CDH13: variants seen among roughly 807,000 people sequenced by gnomAD.
CDH13 encodes the protein cadherin 13, also known as cadherin-13.
CDH13 carries 24 observed loss-of-function variants against 63.8 expected under a neutral mutation model. The ratio of observed to expected loss-of-function variants is 0.38; its 90% CI spans 0.27 to 0.53. The LOEUF (loss-of-function observed/expected upper bound fraction) is 0.53. Ranked by LOEUF, CDH13 falls within the 20% of genes least tolerant of loss-of-function variation. The pLI is 0.85. For synonymous variants in CDH13, 503 were observed against 355.3 expected, an observed-to-expected ratio of 1.42 and a Z score of -4.67; for missense variants, 1,049 against 903.1, an observed-to-expected ratio of 1.16 and a Z score of -2.07.
rs562944756 is a variant in CDH13 at position 83,431,453 on chromosome 16, G to T, written c.782-55024G>T. The stretch of plus-strand genomic sequence containing the variant: ...AGCAGAAGTCATTGTGCAAATCATG[G>T]AGGTCTTTGTAGGTCATTGTATCAG... On this transcript the variant is annotated intron_variant, in intron 6 of 13. Coordinates refer to ENST00000567109, the MANE Select transcript of CDH13 (RefSeq NM_001257.5). Among the ~76,000 whole-genome samples the T allele has an allele frequency of 4.6e-5, 7 of 152,092 alleles. 1 individual carries two copies. The highest frequency in any genetic ancestry group is 1.4e-4 in the African/African-American group (6 of 41,522).
intron 1 of CDH13, among the ~76,000 whole-genome samples, chr16:82,774,493 A>G (rs79937012): frequency 0.076 from 11,504 of 152,260 alleles, 550 homozygotes; most frequent in East Asian, 0.23. Context: ...AGGGTCTACC[A>G]CTGTGTATTC....
intron 2 of CDH13, among the ~76,000 whole-genome samples, chr16:82,987,106 G>A (rs954247131): frequency 2.0e-5 from 3 of 152,144 alleles, no homozygotes; most frequent in African/African-American, 7.2e-5. Flanking sequence ...GAATCAGTGA[G>A]GAGCGGCTGT....
intron 4 of CDH13, 26 bp downstream of exon 4, chr16:83,125,527 A>G (rs780484532): frequency 2.4e-6 from 3 of 1,240,516 alleles, no homozygotes; most frequent in Non-Finnish European, 3.6e-6. Flanking sequence ...AGCAAATGAC[A>G]AAAACATGTT....
chr16:83,278,126 A>C (rs1287348542), intron 5 of CDH13, among the ~76,000 whole-genome samples: 1 of 152,192 alleles, frequency 6.6e-6, no homozygotes, highest in African/African-American at 2.4e-5. Context: ...TTAAAAAAAA[A>C]TGCATTATAT....
At chr16:83,419,927 T>TTTA (rs200096985) in intron 6 of CDH13, among the ~76,000 whole-genome samples, 5 of 147,948 alleles carry the variant, frequency 3.4e-5, no homozygotes, top group Admixed American at 2.7e-4. Flanking sequence ...TTTTTTTTTT[T>TTTA]AAAAAAAAGT....
At position 83,344,091 on chromosome 16, in the gene CDH13, C is replaced by G. The variant is rs16960265; in HGVS notation, c.637-771C>G. On this transcript the variant is annotated intron_variant, in intron 5 of 13. Transcript: ENST00000567109. ...AAATACTCCTATGCGGGGACCAACA[C>G]TTATATCCAAGAGGAAGTATTACTC... is the stretch of plus-strand genomic sequence containing the variant. Among the ~76,000 whole-genome samples, 903 of 152,290 alleles carry G rather than the reference C, an allele frequency of 5.9e-3. 5 individuals carry two copies. Among genetic ancestry groups the G allele is most frequent in the East Asian group, 0.021 (111 of 5,184 alleles).
At chr16:83,570,892 CTG>C (rs529795685) in intron 7 of CDH13, among the ~76,000 whole-genome samples, 1,567 of 120,572 alleles carry the variant, frequency 0.013, 47 homozygotes, top group African/African-American at 0.043. Context: ...ATAAATGAAA[CTG>C]TATAATTTTT....
At chr16:83,193,871 T>C (rs1287061968) in intron 4 of CDH13, among the ~76,000 whole-genome samples, 43 of 152,238 alleles carry the variant, frequency 2.8e-4, no homozygotes, top group Admixed American at 2.2e-3. Flanking sequence ...ATTTAGATTA[T>C]GAAAATTAAT....
chr16:83,334,695 A>G (rs1386004801), intron 5 of CDH13, among the ~76,000 whole-genome samples: 1 of 152,166 alleles, frequency 6.6e-6, no homozygotes, highest in East Asian at 1.9e-4. Context: ...TTTTAAAGCC[A>G]GCTGATCAGC....
At chr16:83,521,202 T>C (rs2074826325) in intron 7 of CDH13, among the ~76,000 whole-genome samples, 1 of 152,222 alleles carries the variant, frequency 6.6e-6, no homozygotes, top group Non-Finnish European at 1.5e-5. Flanking sequence ...CCTTGCGTGT[T>C]AGCTCTCAGT....
chr16:82,792,107 T>C (rs1462867379), intron 1 of CDH13, among the ~76,000 whole-genome samples: 1 of 152,182 alleles, frequency 6.6e-6, no homozygotes, highest in African/African-American at 2.4e-5. Flanking sequence ...CCATAGAATA[T>C]GGCACCTTCC....
intron 1 of CDH13, among the ~76,000 whole-genome samples, chr16:82,709,824 A>G (rs191050170): frequency 6.6e-6 from 1 of 152,186 alleles, no homozygotes; most frequent in Non-Finnish European, 1.5e-5. Context: ...AATAGGGAAG[A>G]AATCATAGGC....
At chr16:83,019,440 T>C (rs149155979) in intron 2 of CDH13, among the ~76,000 whole-genome samples, 1 of 152,048 alleles carries the variant, frequency 6.6e-6, no homozygotes. Context: ...ATCAATGCCT[T>C]CTTCTGGATA....
intron 7 of CDH13, among the ~76,000 whole-genome samples, chr16:83,596,142 C>T (rs1227052910): frequency 1.3e-5 from 2 of 152,156 alleles, no homozygotes; most frequent in Non-Finnish European, 2.9e-5. Context: ...ATGGGGTTGA[C>T]CTTGATAATG....
chr16:83,035,970 C>T (rs1916813540), intron 3 of CDH13, among the ~76,000 whole-genome samples: 1 of 152,106 alleles, frequency 6.6e-6, no homozygotes, highest in Non-Finnish European at 1.5e-5. Flanking sequence ...TTCATCCTCA[C>T]AACAGTATGC....
chr16:83,399,371 A>G (rs1400511659), intron 6 of CDH13, among the ~76,000 whole-genome samples: 1 of 152,236 alleles, frequency 6.6e-6, no homozygotes. Context: ...GAGCTAATTC[A>G]TAGAAATCTG....
chr16:83,684,401 A>G (rs1400960823), intron 10 of CDH13, among the ~76,000 whole-genome samples: 2 of 152,222 alleles, frequency 1.3e-5, no homozygotes, highest in African/African-American at 2.4e-5. Flanking sequence ...CCGAAAGATA[A>G]TTATGCAAAA....
chr16:82,780,016 C>A (rs1322342048), intron 1 of CDH13, among the ~76,000 whole-genome samples: 1 of 152,108 alleles, frequency 6.6e-6, no homozygotes, highest in East Asian at 1.9e-4. Flanking sequence ...GGAGCAAATC[C>A]ATTTTGCCCA....
chr16:82,866,908 C>A (rs1361717865), intron 2 of CDH13, among the ~76,000 whole-genome samples: 1 of 152,162 alleles, frequency 6.6e-6, no homozygotes, highest in African/African-American at 2.4e-5. Context: ...CCGATCTCTC[C>A]CTTGACATGT....
Sources: gnomAD v4.1 joint callset for allele counts (sites outside exome capture counted in the v4.1 genomes callset) on GRCh38, gnomAD v4.1.1 for gene constraint, MANE v1.5 for transcripts, NCBI Gene and HGNC (gene_info 2026-07-23, HGNC 2026-07-21) for gene names.